Variants in HTRA1 observed in about 807,000 individuals in gnomAD.
HTRA1 encodes HtrA serine peptidase 1.
Under a neutral mutation model 49.7 loss-of-function variants are expected in HTRA1, and 26 were observed. The observed-to-expected ratio is 0.52, with a 90% confidence interval of 0.38 to 0.73. HTRA1 has a LOEUF of 0.73. Ranked by LOEUF, HTRA1 falls within the 30% of genes least tolerant of loss-of-function variation. HTRA1 has a pLI of 0.00. For synonymous variants in HTRA1, 291 were observed against 286.9 expected, an observed-to-expected ratio of 1.01 and a Z score of -0.14; for missense variants, 561 against 667.2, an observed-to-expected ratio of 0.84 and a Z score of 1.75.
In HTRA1 at chr10:122,468,411, A is replaced by G. The variant is rs199827050; in HGVS notation, c.472+6287A>G. 4.5e-3 allele frequency among the ~76,000 whole-genome samples: 445 copies of G among 98,012 alleles called. 2 individuals are homozygous for G. The highest frequency in any genetic ancestry group is 0.015 in the African/African-American group (424 of 28,886). The allele number at this position is 98,012 out of a possible 152,430, so 64.3% of individuals were successfully genotyped here. Reference sequence around the variant, plus strand: ...TTAGCGTGTTGTCATTGTCATCATCATCATCATCATCATCATCATCATCAT... The same window carrying G: ...TTAGCGTGTTGTCATTGTCATCATCGTCATCATCATCATCATCATCATCAT... On this transcript the variant is annotated intron_variant, in intron 1 of 8. Transcript: ENST00000368984.
intron 3 of HTRA1, among the ~76,000 whole-genome samples, chr10:122,498,783 T>G (rs2097499744): frequency 6.6e-6 from 1 of 152,210 alleles, no homozygotes; most frequent in South Asian, 2.1e-4. Context: ...TGTTTTAATT[T>G]TATCTTTGAA....
intron 3 of HTRA1, among the ~76,000 whole-genome samples, chr10:122,493,079 T>C (rs1258122196): frequency 2.0e-5 from 3 of 152,222 alleles, no homozygotes; most frequent in Non-Finnish European, 2.9e-5. Context: ...CCTTTTCTGC[T>C]TCTCACTGCT....
intron 3 of HTRA1, among the ~76,000 whole-genome samples, chr10:122,497,321 A>G (rs59630728): frequency 0.012 from 1,796 of 152,298 alleles, 36 homozygotes; most frequent in African/African-American, 0.041. Flanking sequence ...CCCTTTGTTC[A>G]TTGACCATAT....
Position 122,507,162 on chromosome 10 carries a change from A to AT in HTRA1, c.973-207dup, listed in dbSNP as rs1365824022. On this transcript the variant is annotated intron_variant, in intron 4 of 8. Transcript: ENST00000368984. ...TTGGCTTCTGGGCTTCAGAGAGAAAATCTCCCTGTTTACGGCACCTCTAAA... is the reference window on the plus strand; with the variant it reads ...TTGGCTTCTGGGCTTCAGAGAGAAAATTCTCCCTGTTTACGGCACCTCTAAA... 2.0e-5 allele frequency among the ~76,000 whole-genome samples: 3 copies of AT among 151,970 alleles called. No individual in the cohort carries two copies. In the East Asian group the frequency reaches 5.8e-4, roughly 29 times the overall value.
chr10:122,498,592 C>G lies in HTRA1; in HGVS notation c.778-8099C>G, dbSNP rs188385722. 7.6e-4 allele frequency among the ~76,000 whole-genome samples: 115 copies of G among 152,170 alleles called. 3 individuals carry two copies. The South Asian group carries it at 0.014, about 19-fold the overall frequency. On this transcript the variant is annotated intron_variant, in intron 3 of 8. Transcript: ENST00000368984. ...GAAGGGTTCTGAAGCTGTTCAGAAC[C>G]CTGAATGGAAGCTGAAATATCAATG...
Position 122,490,178 on chromosome 10 carries a change from TTTC to T in HTRA1, c.777+558_777+560del, listed in dbSNP as rs2097495095. 6.6e-6 allele frequency among the ~76,000 whole-genome samples: 1 copy of T among 152,232 alleles called. No individual in the cohort carries two copies. The highest frequency in any genetic ancestry group is 2.1e-4 in the South Asian group (1 of 4,832). Reference sequence around the variant, plus strand: ...CTTGAATTAAAACAGAGCTAATGGATTTCTTCTTTCCAGACCTTCTCAGAGCTT... The same window carrying T: ...CTTGAATTAAAACAGAGCTAATGGATTTCTTTCCAGACCTTCTCAGAGCTT... On this transcript the variant is annotated intron_variant, in intron 3 of 8. Coordinates refer to ENST00000368984, the MANE Select transcript of HTRA1 (RefSeq NM_002775.5). The surrounding 1 kb of genome is among the most constrained non-coding windows in gnomAD (Gnocchi z 4.2).
At chr10:122,471,069 A>G (rs1047804642) in intron 1 of HTRA1, among the ~76,000 whole-genome samples, 1 of 152,160 alleles carries the variant, frequency 6.6e-6, no homozygotes, top group Non-Finnish European at 1.5e-5. Flanking sequence ...CGTGGAGAGC[A>G]CACGCTCCTC....
At chr10:122,501,464 G>A (rs2097500831) in intron 3 of HTRA1, among the ~76,000 whole-genome samples, 1 of 152,142 alleles carries the variant, frequency 6.6e-6, no homozygotes, top group Admixed American at 6.5e-5. Flanking sequence ...TGCTTGTATT[G>A]GGATCCTCTC....
intron 1 of HTRA1, among the ~76,000 whole-genome samples, chr10:122,485,161 T>C (rs939804591): frequency 2.6e-5 from 4 of 152,256 alleles, no homozygotes; most frequent in Non-Finnish European, 5.9e-5. Context: ...AGCCAAATAT[T>C]TCTTCTTCTT....
intron 1 of HTRA1, among the ~76,000 whole-genome samples, chr10:122,478,583 A>G (rs892001292): frequency 1.3e-5 from 2 of 151,840 alleles, no homozygotes; most frequent in South Asian, 2.1e-4. Context: ...TAGTAGAGAC[A>G]GGGTTTCACC....
At chr10:122,500,996 C>T (rs553016955) in intron 3 of HTRA1, among the ~76,000 whole-genome samples, 1 of 152,316 alleles carries the variant, frequency 6.6e-6, no homozygotes, top group East Asian at 1.9e-4. Flanking sequence ...CCGCTGACCT[C>T]TGTGTGCCCT....
intron 1 of HTRA1, among the ~76,000 whole-genome samples, chr10:122,474,804 G>A (rs4752699): frequency 0.14 from 20,699 of 152,122 alleles, 1,521 homozygotes; most frequent in Middle Eastern, 0.23. Context: ...TTTCCCTAAT[G>A]CATAAAATAG....
At chr10:122,473,025 A>G (rs538520592) in intron 1 of HTRA1, among the ~76,000 whole-genome samples, 8 of 152,360 alleles carry the variant, frequency 5.3e-5, no homozygotes, top group African/African-American at 1.4e-4. Flanking sequence ...TTCAGGAATA[A>G]TGGAAGAAGA....
intron 1 of HTRA1, among the ~76,000 whole-genome samples, chr10:122,480,635 C>T (rs552823793): frequency 1.8e-4 from 28 of 152,230 alleles, no homozygotes; most frequent in East Asian, 1.5e-3. Context: ...GTCCTGCTGG[C>T]GTGGCGTGAG....
In HTRA1 at chr10:122,490,245, G is replaced by A. The variant is rs2097495116; in HGVS notation, c.777+619G>A. Among the ~76,000 whole-genome samples, 1 of 152,184 alleles carries A rather than the reference G, an allele frequency of 6.6e-6. No individual in the cohort carries two copies. Among genetic ancestry groups the A allele is most frequent in the Non-Finnish European group, 1.5e-5 (1 of 68,040 alleles). ...GTGCACGTGGCTTGCCTACAAAAGG[G>A]TGTTGACTGAACTATTTGCCCAAAT... On this transcript the variant is annotated intron_variant, in intron 3 of 8. Coordinates refer to ENST00000368984, the MANE Select transcript of HTRA1 (RefSeq NM_002775.5). The surrounding 1 kb of genome is among the most constrained non-coding windows in gnomAD (Gnocchi z 4.2).
At position 122,494,833 on chromosome 10, in the gene HTRA1, T is replaced by G. The variant is rs529043213; in HGVS notation, c.777+5207T>G. Among the ~76,000 whole-genome samples the G allele has an allele frequency of 6.6e-6, 1 of 152,100 alleles. No individual in the cohort carries two copies. Among genetic ancestry groups the G allele is most frequent in the African/African-American group, 2.4e-5 (1 of 41,500 alleles). On this transcript the variant is annotated intron_variant, in intron 3 of 8. Transcript: ENST00000368984. The surrounding 1 kb of genome is among the most constrained non-coding windows in gnomAD (Gnocchi z 4.0). Reference sequence around the variant, plus strand: ...GATCCTCATCAAGTTCAGACGGGGGTCACTGCGGGTGAGGGGCCTGGGGCC... The same window carrying G: ...GATCCTCATCAAGTTCAGACGGGGGGCACTGCGGGTGAGGGGCCTGGGGCC...
At chr10:122,508,894 A>G in intron 6 of HTRA1, 124 bp downstream of exon 6, 1 of 698,300 alleles carries the variant, frequency 1.4e-6, no homozygotes, top group East Asian at 2.6e-5. Context: ...TCTGATCCAG[A>G]AGTGAACGGG....
intron 1 of HTRA1, among the ~76,000 whole-genome samples, chr10:122,470,653 G>A (rs1486813319): frequency 6.6e-6 from 1 of 151,906 alleles, no homozygotes; most frequent in African/African-American, 2.4e-5. Flanking sequence ...GAATCCTAAA[G>A]CACTGAAGTC....
At chr10:122,474,204 T>C (rs1037075710) in intron 1 of HTRA1, among the ~76,000 whole-genome samples, 1 of 152,198 alleles carries the variant, frequency 6.6e-6, no homozygotes, top group African/African-American at 2.4e-5. Context: ...GGAAAGGATG[T>C]CGGAAACCGT....
Sources: gnomAD v4.1 joint callset for allele counts (sites outside exome capture counted in the v4.1 genomes callset) on GRCh38, gnomAD v4.1.1 for gene constraint, Gnocchi (gnomAD v3.1) non-coding constraint, MANE v1.5 for transcripts, NCBI Gene and HGNC (gene_info 2026-07-23, HGNC 2026-07-21) for gene names.